Variants in RPS6KC1 observed in about 807,000 individuals in gnomAD.
RPS6KC1 encodes ribosomal protein S6 kinase C1.
Under a neutral mutation model 103.8 loss-of-function variants are expected in RPS6KC1, and 54 were observed. The observed-to-expected ratio is 0.52, with a 90% CI of 0.42 to 0.65. The LOEUF (loss-of-function observed/expected upper bound fraction) is 0.65, where lower values mean the gene tolerates loss of function less well. Among genes scored for constraint, RPS6KC1 ranks in the 30% least tolerant of loss-of-function variants. The probability of loss-of-function intolerance (pLI) is 0.00; values close to 1 mark genes in which losing one functional copy is unlikely to be tolerated. For missense variants in RPS6KC1, 1,151 were observed against 1,253.8 expected, an observed-to-expected ratio of 0.92 and a Z score of 1.24; for synonymous variants, 439 against 438.7, an observed-to-expected ratio of 1.00 and a Z score of -0.01.
chr1:213,275,537 C>G (rs758311364), downstream of RPS6KC1, among the ~76,000 whole-genome samples: 11 of 152,090 alleles, frequency 7.2e-5, no homozygotes, highest in Non-Finnish European at 1.0e-4. Flanking sequence ...TGAAATAATA[C>G]TATTTGAGAC....
At chr1:213,745,594 C>T in the RPS6KC1 span, among the ~76,000 whole-genome samples, 6 of 152,098 alleles carry the variant, frequency 3.9e-5, no homozygotes, top group African/African-American at 9.6e-5. Flanking sequence ...CTTGTCTGAG[C>T]GCCCAGCCCC....
chr1:213,246,117 G>A (rs544632648), intron 12 of RPS6KC1, among the ~76,000 whole-genome samples: 153 of 152,206 alleles, frequency 1.0e-3, no homozygotes, highest in African/African-American at 3.5e-3. Context: ...CATCAAGAGG[G>A]TCTTGAGAAT....
chr1:213,391,534 G>A, the RPS6KC1 span, among the ~76,000 whole-genome samples: 1 of 152,200 alleles, frequency 6.6e-6, no homozygotes, highest in Non-Finnish European at 1.5e-5. Flanking sequence ...CAGGGTGGGT[G>A]TACAGTTCAG....
chr1:213,354,210 C>A, the RPS6KC1 span, among the ~76,000 whole-genome samples: 2 of 152,206 alleles, frequency 1.3e-5, no homozygotes, highest in Non-Finnish European at 1.5e-5. Flanking sequence ...TTGGAAGAAT[C>A]CAAGCTGGTC....
At chr1:213,468,191 T>A in the RPS6KC1 span, among the ~76,000 whole-genome samples, 1 of 152,374 alleles carries the variant, frequency 6.6e-6, no homozygotes, top group Admixed American at 6.5e-5. Flanking sequence ...AGGCACTAAA[T>A]GAGTGGAACC....
chr1:213,363,613 GCTTGCTTGCTTGCTTT>G, the RPS6KC1 span, among the ~76,000 whole-genome samples: 68 of 81,094 alleles, frequency 8.4e-4, no homozygotes, highest in South Asian at 2.1e-3. Context: ...TCGCTTGCTT[GCTTGCTTGCTTGCTTT>G]CTTTCTTTCT....
the RPS6KC1 span, among the ~76,000 whole-genome samples, chr1:213,756,704 C>G: frequency 6.6e-6 from 1 of 152,176 alleles, no homozygotes; most frequent in African/African-American, 2.4e-5. Flanking sequence ...TGCAGCCTCA[C>G]CCTCTGGGCT....
the RPS6KC1 span, among the ~76,000 whole-genome samples, chr1:213,592,512 A>G: frequency 3.3e-5 from 5 of 152,284 alleles, no homozygotes; most frequent in African/African-American, 1.2e-4. Flanking sequence ...TGCCCTTTCT[A>G]GGGGTAGCAG....
the RPS6KC1 span, among the ~76,000 whole-genome samples, chr1:213,548,044 A>G: frequency 1.3e-5 from 2 of 152,200 alleles, no homozygotes; most frequent in East Asian, 3.8e-4. Flanking sequence ...CCTCATATCC[A>G]CCAGAAGTGT....
the RPS6KC1 span, among the ~76,000 whole-genome samples, chr1:213,714,657 C>T: frequency 5.9e-5 from 9 of 152,322 alleles, no homozygotes; most frequent in East Asian, 5.8e-4. Flanking sequence ...AATTTGAATC[C>T]GTCCTCTGAC....
At chr1:213,395,460 C>A in the RPS6KC1 span, among the ~76,000 whole-genome samples, 3 of 152,174 alleles carry the variant, frequency 2.0e-5, no homozygotes, top group African/African-American at 7.2e-5. Flanking sequence ...TCTGACAGTG[C>A]CCCTTGTCCA....
chr1:213,316,721 G>A, the RPS6KC1 span, among the ~76,000 whole-genome samples: 6 of 152,046 alleles, frequency 3.9e-5, no homozygotes, highest in African/African-American at 2.4e-5. Context: ...GTGTGTGTGT[G>A]TGTGTGTGTG....
At chr1:213,530,247 C>A in the RPS6KC1 span, among the ~76,000 whole-genome samples, 3 of 152,268 alleles carry the variant, frequency 2.0e-5, no homozygotes, top group African/African-American at 7.2e-5. Context: ...CCTTAGGAAG[C>A]AGACAGGATT....
At chr1:213,596,850 A>G in the RPS6KC1 span, among the ~76,000 whole-genome samples, 1 of 152,246 alleles carries the variant, frequency 6.6e-6, no homozygotes, top group African/African-American at 2.4e-5. Flanking sequence ...TGAGATACAT[A>G]TCGAGTAAAA....
the RPS6KC1 span, among the ~76,000 whole-genome samples, chr1:213,613,063 T>C: frequency 6.6e-6 from 1 of 152,110 alleles, no homozygotes; most frequent in African/African-American, 2.4e-5. Context: ...TAACTGACTC[T>C]CTCCCAACTC....
At chr1:213,842,295 T>C in the RPS6KC1 span, 1 of 152,118 alleles carries the variant, frequency 6.6e-6, no homozygotes, top group African/African-American at 2.4e-5. Context: ...AAACCATCAA[T>C]AAATACATGA....
chr1:213,573,438 G>A, the RPS6KC1 span, among the ~76,000 whole-genome samples: 13 of 152,180 alleles, frequency 8.5e-5, no homozygotes, highest in East Asian at 2.5e-3. Flanking sequence ...AGAATGACCA[G>A]GGCTGCCTTT....
the RPS6KC1 span, among the ~76,000 whole-genome samples, chr1:213,669,147 T>C: frequency 2.0e-5 from 3 of 152,252 alleles, no homozygotes; most frequent in Non-Finnish European, 2.9e-5. Flanking sequence ...ACTTGGCTCT[T>C]TGGCCCAAGA....
the RPS6KC1 span, among the ~76,000 whole-genome samples, chr1:213,316,914 C>T: frequency 6.6e-6 from 1 of 152,074 alleles, no homozygotes; most frequent in African/African-American, 2.4e-5. Context: ...CTACAGAAAG[C>T]CAGCATGGCT....
Sources: gnomAD v4.1 joint callset for allele counts (sites outside exome capture counted in the v4.1 genomes callset) on GRCh38, gnomAD v4.1.1 for gene constraint, MANE v1.5 for transcripts, NCBI Gene and HGNC (gene_info 2026-07-23, HGNC 2026-07-21) for gene names.